Variants in ATXN2 observed in about 807,000 individuals in gnomAD.
The protein encoded by ATXN2 is ataxin 2, also known as ataxin-2.
ATXN2 carries 37 observed loss-of-function variants against 138.6 expected under a neutral mutation model. That is an observed-to-expected ratio of 0.27 (90% confidence interval 0.21 to 0.35). The LOEUF is 0.35. ATXN2 is among the 10% of genes least tolerant of loss of function. The pLI, the probability that ATXN2 is intolerant of heterozygous loss-of-function variation, is 1.00. For synonymous variants in ATXN2, 549 were observed against 543.7 expected (o/e 1.01, Z -0.13); for missense variants, 1,216 against 1,480.3 (o/e 0.82, Z 2.93).
intron 11 of ATXN2, 108 bp downstream of exon 11, chr12:111,513,249 T>C: frequency 1.6e-6 from 2 of 1,276,044 alleles, no homozygotes; most frequent in Non-Finnish European, 2.2e-6. Context: ...TCTACTATTT[T>C]TAACATATAC....
intron 1 of ATXN2, among the ~76,000 whole-genome samples, chr12:111,585,382 G>A (rs180851261): frequency 2.0e-5 from 3 of 151,472 alleles, no homozygotes; most frequent in East Asian, 3.9e-4. Context: ...GTGTGGTGGC[G>A]GGCACCCGTA....
intron 21 of ATXN2, chr12:111,458,139 T>C (rs1875260828): frequency 6.6e-6 from 1 of 150,534 alleles, no homozygotes; most frequent in Admixed American, 6.6e-5. Flanking sequence ...TTCATGTCTT[T>C]CAGTTTTTTG....
intron 11 of ATXN2, 161 bp downstream of exon 11, chr12:111,513,196 T>A (rs898503224): frequency 1.3e-6 from 1 of 750,256 alleles, no homozygotes; most frequent in Non-Finnish European, 2.1e-6. Flanking sequence ...GAATAAGTGG[T>A]AGAGCCCAGA....
chr12:111,582,429 G>A (rs986227972), intron 1 of ATXN2, among the ~76,000 whole-genome samples: 1 of 147,942 alleles, frequency 6.8e-6, no homozygotes, highest in Non-Finnish European at 1.5e-5. Flanking sequence ...GTGACAAAGC[G>A]AGACGGTGTC....
chr12:111,522,610 A>G (rs1256231651), intron 6 of ATXN2, among the ~76,000 whole-genome samples: 1 of 151,468 alleles, frequency 6.6e-6, no homozygotes, highest in Admixed American at 6.6e-5. Flanking sequence ...ACTCCATCTT[A>G]AAAGAAAAAA....
chr12:111,573,867 T>C (rs1592916818), intron 1 of ATXN2, among the ~76,000 whole-genome samples: 1 of 148,560 alleles, frequency 6.7e-6, no homozygotes, highest in East Asian at 1.9e-4. Flanking sequence ...GTGTTTTTTC[T>C]TTCTTTTTTT....
At chr12:111,479,122 A>T in intron 18 of ATXN2, 1 of 393,608 alleles carries the variant, frequency 2.5e-6, no homozygotes, top group African/African-American at 2.1e-5. Flanking sequence ...ATAAAAACAC[A>T]AACACTTGTA....
chr12:111,597,377 G>A (rs1419475939), intron 1 of ATXN2, among the ~76,000 whole-genome samples: 1 of 152,212 alleles, frequency 6.6e-6, no homozygotes, highest in African/African-American at 2.4e-5. Flanking sequence ...GCCTATTTAA[G>A]GAGGACGCCG....
intron 2 of ATXN2, among the ~76,000 whole-genome samples, chr12:111,555,441 G>A (rs1030913777): frequency 6.6e-5 from 10 of 152,100 alleles, no homozygotes; most frequent in Admixed American, 1.3e-4. Flanking sequence ...TTTCCCCTAC[G>A]CTGCTCTCAT....
chr12:111,546,747 TAC>T (rs1212164514), intron 5 of ATXN2, among the ~76,000 whole-genome samples: 24 of 152,234 alleles, frequency 1.6e-4, no homozygotes, highest in African/African-American at 5.8e-4. Flanking sequence ...GATACACGAA[TAC>T]AGAGCCAAAA....
intron 5 of ATXN2, among the ~76,000 whole-genome samples, chr12:111,537,011 G>C (rs537085435): frequency 1.3e-5 from 2 of 151,642 alleles, no homozygotes; most frequent in African/African-American, 4.8e-5. Flanking sequence ...TCGAACTCCC[G>C]GCCTCAAATG....
chr12:111,513,399 T>G lies in ATXN2; in HGVS notation c.1516A>C (p.Thr506Pro). Residue 506 changes from threonine (T) to proline (P), a missense_variant, in exon 11 of 25, where the codon ACC becomes CCC. Around this residue, in one of 4 missense-constraint regions of ATXN2, gnomAD observed 215 missense variants for 210.0 expected, o/e 1.02. Coordinates refer to ENST00000673436, the MANE Select transcript of ATXN2 (RefSeq NM_001372574.1). ...GACCACGTTCCCCCCGAGGGACTGG[T>G]CCTTGCTACTGGAGGAGTAGCTGCT... ...SEAATPPVARTSPSGGTWSSV... is the reference protein window; with the variant it reads ...SEAATPPVARPSPSGGTWSSV... The G allele has an allele frequency of 6.2e-7, 1 of 1,613,968 alleles. No individual in the cohort carries two copies. The highest frequency in any genetic ancestry group is 8.5e-7 in the Non-Finnish European group (1 of 1,179,992).
chr12:111,536,997 G>A (rs1001320556), intron 5 of ATXN2, among the ~76,000 whole-genome samples: 1 of 151,714 alleles, frequency 6.6e-6, no homozygotes, highest in Non-Finnish European at 1.5e-5. Context: ...TGGGCAGGCT[G>A]GTCTCGAACT....
chr12:111,549,802 G>A (rs955619486), intron 5 of ATXN2, among the ~76,000 whole-genome samples: 1 of 152,092 alleles, frequency 6.6e-6, no homozygotes, highest in Non-Finnish European at 1.5e-5. Context: ...GGTGGCTCAC[G>A]CCTATAATCC....
At chr12:111,555,167 T>C (rs563946766) in intron 2 of ATXN2, among the ~76,000 whole-genome samples, 29 of 152,268 alleles carry the variant, frequency 1.9e-4, no homozygotes, top group Admixed American at 6.5e-5. Context: ...AAAAAGCACA[T>C]TAATTCAAAA....
Position 111,453,561 on chromosome 12 carries a change from C to A in ATXN2, c.3439+116G>T. The A allele has an allele frequency of 6.9e-7, 1 of 1,441,524 alleles. No individual in the cohort carries two copies. The highest frequency in any genetic ancestry group is 9.1e-7 in the Non-Finnish European group (1 of 1,097,448). 89.3% of individuals were successfully genotyped at this position (1,441,524 alleles called of 1,614,324 possible). ...AGTCCCTCCTGTGCACACTCCTGGA[C>A]GGGTCTTGCTAGTTCTCAAATGCGG... On this transcript the variant is annotated intron_variant, in intron 24 of 24. Coordinates refer to ENST00000673436, the MANE Select transcript of ATXN2 (RefSeq NM_001372574.1). The surrounding 1 kb of genome is among the most constrained non-coding windows in gnomAD (Gnocchi z 5.4).
chr12:111,542,981 C>T (rs1290913763), intron 5 of ATXN2, among the ~76,000 whole-genome samples: 1 of 152,138 alleles, frequency 6.6e-6, no homozygotes, highest in Non-Finnish European at 1.5e-5. Context: ...AAACATGTAA[C>T]TTTAATAAAT....
In ATXN2 at chr12:111,537,667, A is replaced by G. The variant is rs142148542; in HGVS notation, c.572-12351T>C. Among the ~76,000 whole-genome samples, 378 of 152,312 alleles carry G rather than the reference A, an allele frequency of 2.5e-3. 2 individuals carry two copies. Among genetic ancestry groups the G allele is most frequent in the Middle Eastern group, 6.8e-3 (2 of 294 alleles). On this transcript the variant is annotated intron_variant, in intron 5 of 24. Coordinates refer to ENST00000673436, the MANE Select transcript of ATXN2 (RefSeq NM_001372574.1). ...CAGAATGGGCAAACCTATGAAGACA[A>G]TAAATCAATAGTTGCCTGGAGCTGG...
intron 10 of ATXN2, among the ~76,000 whole-genome samples, chr12:111,515,516 C>G (rs1381315765): frequency 2.0e-5 from 3 of 152,084 alleles, no homozygotes; most frequent in African/African-American, 7.2e-5. Flanking sequence ...GCTAAATATT[C>G]AAATTCATAT....
Sources: allele counts gnomAD v4.1 joint callset (sites outside exome capture counted in the v4.1 genomes callset), GRCh38; gene constraint gnomAD v4.1.1; regional missense constraint gnomAD v4.1.1; non-coding constraint Gnocchi (gnomAD v3.1); transcripts MANE v1.5; gene names NCBI Gene and HGNC (gene_info 2026-07-23, HGNC 2026-07-21).